Variants in ASB18 observed in about 807,000 individuals in gnomAD.
ASB18 encodes the protein ankyrin repeat and SOCS box containing 18.
Under a neutral mutation model 33.4 loss-of-function variants are expected in ASB18, and 33 were observed. The ratio of observed to expected loss-of-function variants is 0.99; its 90% CI spans 0.75 to 1.32. The LOEUF is 1.32. Ranked by LOEUF, ASB18 falls within the 40% of genes most tolerant of loss-of-function variation. ASB18 has a pLI of 0.00. For synonymous variants in ASB18, 295 were observed against 307.6 expected (o/e 0.96, Z 0.43); for missense variants, 694 against 655.5 (o/e 1.06, Z -0.64).
Position 236,214,741 on chromosome 2 carries a change from C to G in ASB18, c.722G>C (p.Arg241Pro). ...LDEHARLYLG[R>P]GAHVDARNGR... ...GTTCCTCGCGTCCACGTGCGCCCCG[C>G]GGCCCAGGTACAGGCGCGCGTGCTC... The change falls in exon 4 of 6, where the codon CGC (arginine) becomes CCC (proline). Residue 241 changes from arginine (R) to proline (P), a missense_variant. Transcript: ENST00000409749. This position sits in a 1 kb window ranked among gnomAD's most constrained non-coding sequence, Gnocchi z 6.5. 1 of 1,167,788 alleles carries G rather than the reference C, an allele frequency of 8.6e-7. No homozygotes were observed. Among genetic ancestry groups the G allele is most frequent in the Non-Finnish European group, 1.1e-6 (1 of 947,728 alleles). The allele number at this position is 1,167,788 out of a possible 1,614,324, so 72.3% of individuals were successfully genotyped here. A position where few individuals can be genotyped will look rare whatever the true frequency, so the allele number is the denominator to read the frequency against.
rs1257485506 is a variant in ASB18, at chr2:236,215,121, A to G, written c.597-255T>C. On this transcript the variant is annotated intron_variant, in intron 3 of 5. Coordinates refer to ENST00000409749, the MANE Select transcript of ASB18 (RefSeq NM_212556.4). This position sits in a 1 kb window ranked among gnomAD's most constrained non-coding sequence, Gnocchi z 7.2. ...GAATCCACGTGCAGAGTTACAATTT[A>G]TAAGGAAATTTTAACTGCTTGGAGC... is the stretch of plus-strand genomic sequence containing the variant. Among the ~76,000 whole-genome samples, 1 of 151,908 alleles carries G rather than the reference A, an allele frequency of 6.6e-6. No individual in the cohort carries two copies. Among genetic ancestry groups the G allele is most frequent in the Non-Finnish European group, 1.5e-5 (1 of 67,998 alleles).
rs1190062335 is a variant in ASB18 at position 236,229,755 on chromosome 2, CAT to C, written c.596+7932_596+7933del. On this transcript the variant is annotated intron_variant, in intron 3 of 5. Coordinates refer to ENST00000409749, the MANE Select transcript of ASB18 (RefSeq NM_212556.4). This position sits in a 1 kb window ranked among gnomAD's most constrained non-coding sequence, Gnocchi z 5.2. ...ATCTGGGAGGCTGAGGCAGGAGAAT[CAT>C]GTGAATCCGGGAAGCAGAGGTTGCA... Among the ~76,000 whole-genome samples, 2 of 152,188 alleles carry C rather than the reference CAT, an allele frequency of 1.3e-5. No individual in the cohort carries two copies. The highest frequency in any genetic ancestry group is 4.2e-4 in the South Asian group (2 of 4,814).
Position 236,214,597 on chromosome 2 carries a change from C to CGCGCGT in ASB18, c.860_865dup (p.Ala288_Arg289insHisAla), listed in dbSNP as rs2060476581. 4.0e-6 allele frequency: 5 copies of CGCGCGT among 1,259,944 alleles called. No homozygotes were observed. Among genetic ancestry groups the CGCGCGT allele is most frequent in the Non-Finnish European group, 5.0e-6 (5 of 1,006,134 alleles). The allele number at this position is 1,259,944 out of a possible 1,614,324, so 78.0% of individuals were successfully genotyped here. A position where few individuals can be genotyped will look rare whatever the true frequency, so the allele number is the denominator to read the frequency against. The stretch of plus-strand genomic sequence containing the variant: ...CAGCGGGCTGCGCTCGTCCTCGTCG[C>CGCGCGT]GCGCGTCCGCCTCCGCCCCGCGCCG... On this transcript the variant is annotated inframe_insertion, in exon 4 of 6. Transcript: ENST00000409749. This position sits in a 1 kb window ranked among gnomAD's most constrained non-coding sequence, Gnocchi z 6.5.
At chr2:236,198,615 C>T (rs1416981877) in intron 4 of ASB18, among the ~76,000 whole-genome samples, 1 of 152,194 alleles carries the variant, frequency 6.6e-6, no homozygotes, top group Non-Finnish European at 1.5e-5. Flanking sequence ...ATCCGCCCAC[C>T]TCAGCCTCCC....
rs2060486891 is a variant in ASB18, at chr2:236,216,165, C to G, written c.597-1299G>C. On this transcript the variant is annotated intron_variant, in intron 3 of 5. Coordinates refer to ENST00000409749, the MANE Select transcript of ASB18 (RefSeq NM_212556.4). The surrounding 1 kb of genome is among the most constrained non-coding windows in gnomAD (Gnocchi z 6.1). ...TGCCGAGCCCTGTTGGAGGACGCAG[C>G]CTTCATGGAGCTGGCCTTGGTCTCA... Among the ~76,000 whole-genome samples, 1 of 152,208 alleles carries G rather than the reference C, an allele frequency of 6.6e-6. No homozygotes were observed. The highest frequency in any genetic ancestry group is 2.1e-4 in the South Asian group (1 of 4,828).
intron 4 of ASB18, among the ~76,000 whole-genome samples, chr2:236,206,144 G>A (rs2060431545): frequency 6.7e-6 from 1 of 150,112 alleles, no homozygotes; most frequent in African/African-American, 2.4e-5. Flanking sequence ...TCTGTGGGTT[G>A]GCTCTCTATC....
chr2:236,206,063 T>A (rs1472573114), intron 4 of ASB18, among the ~76,000 whole-genome samples: 2 of 152,218 alleles, frequency 1.3e-5, no homozygotes, highest in Non-Finnish European at 2.9e-5. Context: ...AGCTAAGTTT[T>A]CTTCTATTAT....
chr2:236,240,145 T>A (rs1372298135), intron 2 of ASB18, among the ~76,000 whole-genome samples: 1 of 152,134 alleles, frequency 6.6e-6, no homozygotes. Flanking sequence ...ATTGTGACAT[T>A]TGTGTGTGTG....
Position 236,238,028 on chromosome 2 carries a change from G to A in ASB18, c.329-72C>T, listed in dbSNP as rs2060604509. The A allele has an allele frequency of 7.5e-7, 1 of 1,335,046 alleles. No homozygotes were observed. The highest frequency in any genetic ancestry group is 9.7e-7 in the Non-Finnish European group (1 of 1,027,390). The allele number at this position is 1,335,046 out of a possible 1,614,324, so 82.7% of individuals were successfully genotyped here. ...GGTGGTGGTGGGCGGTGTTCCTTAA[G>A]GCGGAAAGAAAGTGAAGCCGTCTCT... On this transcript the variant is annotated intron_variant, in intron 2 of 5. Transcript: ENST00000409749. This position sits in a 1 kb window ranked among gnomAD's most constrained non-coding sequence, Gnocchi z 5.2.
chr2:236,239,400 C>T lies in ASB18; in HGVS notation c.329-1444G>A, dbSNP rs1182597321. Among the ~76,000 whole-genome samples the T allele has an allele frequency of 2.6e-5, 4 of 152,058 alleles. No individual in the cohort carries two copies. The highest frequency in any genetic ancestry group is 4.4e-5 in the Non-Finnish European group (3 of 68,002). On this transcript the variant is annotated intron_variant, in intron 2 of 5. Coordinates refer to ENST00000409749, the MANE Select transcript of ASB18 (RefSeq NM_212556.4). The surrounding 1 kb of genome is among the most constrained non-coding windows in gnomAD (Gnocchi z 5.6). ...GCTCAGCCACAGTGTGGGCCAGCACCGTCTCCAGGTCCTTGGCGATGCAGT... is the reference window on the plus strand; with the variant it reads ...GCTCAGCCACAGTGTGGGCCAGCACTGTCTCCAGGTCCTTGGCGATGCAGT...
rs1553600513 is a variant in ASB18 at position 236,217,424 on chromosome 2, A to AAATAAAT, written c.597-2559_597-2558insATTTATT. 0.027 allele frequency among the ~76,000 whole-genome samples: 4,051 copies of AAATAAAT among 150,392 alleles called. 210 individuals are homozygous for AAATAAAT. Among genetic ancestry groups the AAATAAAT allele is most frequent in the African/African-American group, 0.09 (3,653 of 40,504 alleles). ...CGAGACTCTGTCTCAAAAAAAAAAAAAAATAAATCTTGGCACCTTCAACTC... is the reference window on the plus strand; with the variant it reads ...CGAGACTCTGTCTCAAAAAAAAAAAAAATAAATAAATAAATCTTGGCACCTTCAACTC... On this transcript the variant is annotated intron_variant, in intron 3 of 5. Coordinates refer to ENST00000409749, the MANE Select transcript of ASB18 (RefSeq NM_212556.4). The surrounding 1 kb of genome is among the most constrained non-coding windows in gnomAD (Gnocchi z 5.2).
rs781240185 is a variant in ASB18, at chr2:236,253,429, G to A, written c.205+10712C>T. 2.0e-5 allele frequency among the ~76,000 whole-genome samples: 3 copies of A among 152,158 alleles called. No individual in the cohort carries two copies. Among genetic ancestry groups the A allele is most frequent in the Non-Finnish European group, 4.4e-5 (3 of 68,038 alleles). ...GTCTCACTCTGTTGCCTAGGCTAGA[G>A]TACAGTGGCACAGTCATAGCTCACT... On this transcript the variant is annotated intron_variant, in intron 1 of 5. Coordinates refer to ENST00000409749, the MANE Select transcript of ASB18 (RefSeq NM_212556.4). The surrounding 1 kb of genome is among the most constrained non-coding windows in gnomAD (Gnocchi z 5.4).
chr2:236,224,357 G>T (rs996926240), intron 3 of ASB18, among the ~76,000 whole-genome samples: 1 of 152,022 alleles, frequency 6.6e-6, no homozygotes, highest in Non-Finnish European at 1.5e-5. Flanking sequence ...CGAGGCTTTT[G>T]CCCTGAGTGT....
rs561593405 is a variant in ASB18, at chr2:236,255,068, G to A, written c.205+9073C>T. 3.3e-4 allele frequency among the ~76,000 whole-genome samples: 51 copies of A among 152,298 alleles called. No individual in the cohort carries two copies. Among genetic ancestry groups the A allele is most frequent in the African/African-American group, 1.1e-3 (44 of 41,546 alleles). On this transcript the variant is annotated intron_variant, in intron 1 of 5. Transcript: ENST00000409749. The surrounding 1 kb of genome is among the most constrained non-coding windows in gnomAD (Gnocchi z 4.4). Reference sequence around the variant, plus strand: ...CTGAAAGCTTCCTGAAGTCTCCCCAGAAGCCGAAGCCGCTACGCTTCCTGT... The same window carrying A: ...CTGAAAGCTTCCTGAAGTCTCCCCAAAAGCCGAAGCCGCTACGCTTCCTGT...
rs1465965036 is a variant in ASB18 at position 236,239,863 on chromosome 2, C to A, written c.328+1417G>T. ...GCTGCAGGGCAGTCAGGTGTCTGTG[C>A]CGGAGGAGGCTGGAATCCAGGCAGC... On this transcript the variant is annotated intron_variant, in intron 2 of 5. Transcript: ENST00000409749. The surrounding 1 kb of genome is among the most constrained non-coding windows in gnomAD (Gnocchi z 5.6). Among the ~76,000 whole-genome samples, 12 of 152,204 alleles carry A rather than the reference C, an allele frequency of 7.9e-5. No individual in the cohort carries two copies. Among genetic ancestry groups the A allele is most frequent in the African/African-American group, 2.7e-4 (11 of 41,454 alleles).
In ASB18 at chr2:236,221,001, C is replaced by T. The variant is rs1430961268; in HGVS notation, c.597-6135G>A. ...GGGGTGGCACAGTAACCGGTTCTCA[C>T]CCAGTCCTCCTAGCTACCTGGCACG... On this transcript the variant is annotated intron_variant, in intron 3 of 5. Coordinates refer to ENST00000409749, the MANE Select transcript of ASB18 (RefSeq NM_212556.4). The surrounding 1 kb of genome is among the most constrained non-coding windows in gnomAD (Gnocchi z 5.6). Among the ~76,000 whole-genome samples the T allele has an allele frequency of 6.6e-6, 1 of 152,176 alleles. No individual in the cohort carries two copies. The highest frequency in any genetic ancestry group is 2.4e-5 in the African/African-American group (1 of 41,444).
Position 236,194,960 on chromosome 2 carries a change from T to C in ASB18, c.1313A>G (p.Lys438Arg). 1.9e-6 allele frequency: 3 copies of C among 1,613,924 alleles called. No homozygotes were observed. In the African/African-American group the frequency reaches 4.0e-5, roughly 22 times the overall value. Residue 438 changes from lysine to arginine, a missense_variant, in exon 6 of 6, where the codon AAA becomes AGA. Physicochemically the swap from Lys to Arg is conservative, Grantham distance 26. Transcript: ENST00000409749. This position sits in a 1 kb window ranked among gnomAD's most constrained non-coding sequence, Gnocchi z 4.5. ...CAGGGGGATGAGGTCAAAGCACCTT[T>C]TGCCAAACAGTCTGCGAAGAGCACA... The part of the protein sequence containing the change: ...CRCALRRLFG[K>R]RCFDLIPLLP...
Position 236,255,825 on chromosome 2 carries a change from T to C in ASB18, c.205+8316A>G, listed in dbSNP as rs540467920. 6.6e-6 allele frequency among the ~76,000 whole-genome samples: 1 copy of C among 152,198 alleles called. No homozygotes were observed. The highest frequency in any genetic ancestry group is 6.5e-5 in the Admixed American group (1 of 15,274). On this transcript the variant is annotated intron_variant, in intron 1 of 5. Transcript: ENST00000409749. The surrounding 1 kb of genome is among the most constrained non-coding windows in gnomAD (Gnocchi z 4.4). ...GATTTACACACCCAAGTCCAAGTTG[T>C]GTCCCACTTCCCTGTCCCACGTGCC...
At position 236,234,215 on chromosome 2, in the gene ASB18, T is replaced by G. The variant is rs1199890431; in HGVS notation, c.596+3474A>C. Among the ~76,000 whole-genome samples, 1 of 151,968 alleles carries G rather than the reference T, an allele frequency of 6.6e-6. No individual in the cohort carries two copies. Among genetic ancestry groups the G allele is most frequent in the East Asian group, 1.9e-4 (1 of 5,178 alleles). On this transcript the variant is annotated intron_variant, in intron 3 of 5. Transcript: ENST00000409749. The surrounding 1 kb of genome is among the most constrained non-coding windows in gnomAD (Gnocchi z 4.1). The stretch of plus-strand genomic sequence containing the variant: ...TCCTGGGTTGGAAGCTTGTAAGGAG[T>G]TGCTATAAGACCCTTGCCCCCTCCC...
Sources: gnomAD v4.1 joint callset for allele counts (sites outside exome capture counted in the v4.1 genomes callset) on GRCh38, gnomAD v4.1.1 for gene constraint, Gnocchi (gnomAD v3.1) non-coding constraint, MANE v1.5 for transcripts, NCBI Gene and HGNC (gene_info 2026-07-23, HGNC 2026-07-21) for gene names.